DPP10: variants seen among roughly 807,000 people sequenced by gnomAD.
DPP10 encodes dipeptidyl peptidase like 10, also known as inactive dipeptidyl peptidase 10.
DPP10 carries 33 observed loss-of-function variants against 120.9 expected under a neutral mutation model. The ratio of observed to expected loss-of-function variants is 0.27; its 90% CI spans 0.21 to 0.37. The LOEUF (loss-of-function observed/expected upper bound fraction) is 0.37, where lower values mean the gene tolerates loss of function less well. Among genes scored for constraint, DPP10 ranks in the 10% least tolerant of loss-of-function variants. The pLI, the probability that DPP10 is intolerant of heterozygous loss-of-function variation, is 1.00. For synonymous variants in DPP10, 337 were observed against 326.1 expected (o/e 1.03, Z -0.36); for missense variants, 816 against 942.8 (o/e 0.87, Z 1.76).
At chr2:114,857,761 G>T (rs1310276180) in intron 1 of DPP10, among the ~76,000 whole-genome samples, 2 of 152,162 alleles carry the variant, frequency 1.3e-5, no homozygotes, top group Non-Finnish European at 2.9e-5. Context: ...AACGTAGGGT[G>T]CCTGACTGAA....
chr2:114,968,226 G>T (rs62167706), intron 1 of DPP10, among the ~76,000 whole-genome samples: 16,639 of 152,062 alleles, frequency 0.11, 1,034 homozygotes, highest in Non-Finnish European at 0.13. Context: ...GCTGTTGTTG[G>T]CTCTGAAAGG....
In DPP10 at chr2:115,499,348, C is replaced by G. The variant is rs554711641; in HGVS notation, c.272-162C>G. On this transcript the variant is annotated intron_variant, in intron 3 of 25. Transcript: ENST00000410059. ...CCATGTGTTAGGCGGGCTTCCTGAT[C>G]TTTCACGAGAATGAATGCCAAGTAC... 1.6e-4 allele frequency among the ~76,000 whole-genome samples: 25 copies of G among 152,170 alleles called. 1 individual carries two copies. The highest frequency in any genetic ancestry group is 1.2e-3 in the Admixed American group (19 of 15,244).
At chr2:115,574,484 A>G (rs990070378) in intron 5 of DPP10, among the ~76,000 whole-genome samples, 1 of 152,082 alleles carries the variant, frequency 6.6e-6, no homozygotes, top group Non-Finnish European at 1.5e-5. Flanking sequence ...CCCCATGTTT[A>G]AATTCTTGTG....
At chr2:115,273,593 C>T (rs563628247) in intron 1 of DPP10, among the ~76,000 whole-genome samples, 1 of 152,342 alleles carries the variant, frequency 6.6e-6, no homozygotes, top group South Asian at 2.1e-4. Flanking sequence ...GCCTCGGCCT[C>T]CCAAAGTGCT....
chr2:115,471,920 G>A (rs1423026684), intron 3 of DPP10, among the ~76,000 whole-genome samples: 1 of 151,942 alleles, frequency 6.6e-6, no homozygotes, highest in Non-Finnish European at 1.5e-5. Flanking sequence ...CACTCAGCCA[G>A]ACCAGGATTC....
At chr2:115,133,608 A>C (rs2050495537) in intron 1 of DPP10, among the ~76,000 whole-genome samples, 1 of 152,148 alleles carries the variant, frequency 6.6e-6, no homozygotes, top group Admixed American at 6.5e-5. Flanking sequence ...CAGATGAGGA[A>C]TGCTGCTCTG....
chr2:114,736,972 A>G (rs2105967970), intron 1 of DPP10, among the ~76,000 whole-genome samples: 1 of 152,352 alleles, frequency 6.6e-6, no homozygotes, highest in South Asian at 2.1e-4. Flanking sequence ...TAGGAAGAAC[A>G]TAGAAACATG....
intron 1 of DPP10, among the ~76,000 whole-genome samples, chr2:115,257,738 T>C (rs2059068666): frequency 6.6e-6 from 1 of 152,204 alleles, no homozygotes; most frequent in Non-Finnish European, 1.5e-5. Context: ...TGAGTATTTT[T>C]TTCCTAAGTT....
At chr2:115,432,662 TGTGTGTGTGTG>T in intron 3 of DPP10, among the ~76,000 whole-genome samples, 1 of 80,282 alleles carries the variant, frequency 1.2e-5, no homozygotes, top group South Asian at 3.8e-4. Flanking sequence ...GGCAATTTTG[TGTGTGTGTGTG>T]TGTGTGTGTG....
At chr2:115,329,781 G>A (rs1449387597) in intron 2 of DPP10, among the ~76,000 whole-genome samples, 1 of 152,008 alleles carries the variant, frequency 6.6e-6, no homozygotes, top group Non-Finnish European at 1.5e-5. Flanking sequence ...CTTTTTTATG[G>A]CTGCATAGTA....
chr2:115,162,282 G>A (rs1220077935), intron 1 of DPP10: 1 of 1,539,624 alleles, frequency 6.5e-7, no homozygotes, highest in South Asian at 1.2e-5. Flanking sequence ...GGTAAAGGCT[G>A]AAGGTGCCCC....
chr2:114,646,136 G>C (rs1696107620), intron 1 of DPP10, among the ~76,000 whole-genome samples: 1 of 150,386 alleles, frequency 6.6e-6, no homozygotes, highest in Non-Finnish European at 1.5e-5. Context: ...CTCCAGCCTG[G>C]GTGACAGAGC....
At chr2:115,251,375 A>G (rs1267235905) in intron 1 of DPP10, among the ~76,000 whole-genome samples, 1 of 151,416 alleles carries the variant, frequency 6.6e-6, no homozygotes, top group Non-Finnish European at 1.5e-5. Context: ...CACATTTCTC[A>G]CTCTCTGCCA....
chr2:115,842,297 G>A lies in DPP10; in HGVS notation c.2343G>A (p.Leu781=). Residue 781 remains leucine, a synonymous_variant, in exon 26 of 26, where the codon TTG becomes TTA. Transcript: ENST00000410059. ...TCCTCAAATTCTTCAGTGATTGTTT[G>A]AAGGAAGAAATATCTGTGCTACCAC... ...STILKFFSDC[L]KEEISVLPQE... is the part of the protein sequence containing the mutation. The A allele has an allele frequency of 6.2e-7, 1 of 1,613,966 alleles. No homozygotes were observed. The highest frequency in any genetic ancestry group is 8.5e-7 in the Non-Finnish European group (1 of 1,179,898).
At chr2:115,724,987 A>G (rs1431149556) in intron 7 of DPP10, among the ~76,000 whole-genome samples, 1 of 152,196 alleles carries the variant, frequency 6.6e-6, no homozygotes, top group Non-Finnish European at 1.5e-5. Context: ...ATGCATGCCC[A>G]TGACCTAAAC....
rs562916459 is a variant in DPP10, at chr2:115,022,460, G to A, written c.61-286779G>A. On this transcript the variant is annotated intron_variant, in intron 1 of 25. Transcript: ENST00000410059. ...CATAGGAATATATCTAAACAAGGACGTGAAAGAACAACAACAAAACACTGC... is the reference window on the plus strand; with the variant it reads ...CATAGGAATATATCTAAACAAGGACATGAAAGAACAACAACAAAACACTGC... Among the ~76,000 whole-genome samples, 5 of 151,516 alleles carry A rather than the reference G, an allele frequency of 3.3e-5. No homozygotes were observed. The East Asian group carries it at 5.8e-4, about 18-fold the overall frequency.
At chr2:115,731,451 A>G (rs2092908585) in intron 8 of DPP10, among the ~76,000 whole-genome samples, 2 of 151,418 alleles carry the variant, frequency 1.3e-5, no homozygotes, top group South Asian at 4.2e-4. Flanking sequence ...CACCTAAGCC[A>G]GGAAGTTGAG....
At chr2:114,886,882 A>G (rs919017500) in intron 1 of DPP10, among the ~76,000 whole-genome samples, 1 of 152,122 alleles carries the variant, frequency 6.6e-6, no homozygotes, top group African/African-American at 2.4e-5. Flanking sequence ...CGCTTTCTCA[A>G]TAGCTTTCTT....
intron 1 of DPP10, among the ~76,000 whole-genome samples, chr2:115,277,414 T>G (rs2105849680): frequency 6.6e-6 from 1 of 150,824 alleles, no homozygotes; most frequent in Non-Finnish European, 1.5e-5. Context: ...CTAGGGATCT[T>G]AGAGAATAAT....
Sources: allele counts gnomAD v4.1 joint callset (sites outside exome capture counted in the v4.1 genomes callset), GRCh38; gene constraint gnomAD v4.1.1; transcripts MANE v1.5; gene names NCBI Gene and HGNC (gene_info 2026-07-23, HGNC 2026-07-21).